PLCB4: variants seen among roughly 807,000 people sequenced by gnomAD.
PLCB4 encodes 1-phosphatidylinositol 4,5-bisphosphate phosphodiesterase beta-4.
In PLCB4, 77 loss-of-function variants were observed where a neutral mutation model predicts 178.8. That is an observed-to-expected ratio of 0.43 (90% CI 0.36 to 0.52). The LOEUF (loss-of-function observed/expected upper bound fraction) is 0.52, where lower values mean the gene tolerates loss of function less well. Ranked by LOEUF, PLCB4 falls within the 20% of genes least tolerant of loss-of-function variation. The pLI is 0.00. For missense variants in PLCB4, 1,024 were observed against 1,453.4 expected (o/e 0.70, Z 4.80); for synonymous variants, 496 against 490.8 (o/e 1.01, Z -0.14).
intron 1 of PLCB4, among the ~76,000 whole-genome samples, chr20:9,083,019 A>T (rs1156389914): frequency 2.0e-5 from 3 of 152,204 alleles, no homozygotes; most frequent in Admixed American, 6.5e-5. Context: ...ATAAAGATTG[A>T]TGATCAGGAG....
chr20:9,435,720 A>G lies in PLCB4; in HGVS notation c.2613+72A>G, dbSNP rs564619826. ...ATTATCAAACAGTGTTTACAAAAAC[A>G]AGACAAAGTAATGAATTAGCAAATT... On this transcript the variant is annotated intron_variant, in intron 29 of 39. Coordinates refer to ENST00000378473, the MANE Select transcript of PLCB4 (RefSeq NM_001377142.1). The G allele has an allele frequency of 5.7e-4, 494 of 866,590 alleles. 2 individuals are homozygous for G. The highest frequency in any genetic ancestry group is 1.1e-3 in the Middle Eastern group (5 of 4,422). The allele number at this position is 866,590 out of a possible 1,614,324, so 53.7% of individuals were successfully genotyped here.
Position 9,095,292 on chromosome 20 carries a change from G to T in PLCB4, c.-134-995G>T, listed in dbSNP as rs531273274. Among the ~76,000 whole-genome samples, 3 of 152,186 alleles carry T rather than the reference G, an allele frequency of 2.0e-5. No homozygotes were observed. The South Asian group carries it at 6.2e-4, about 32-fold the overall frequency. Reference sequence around the variant, plus strand: ...GGGAGAGGGACTCCTCTGGACTGTGGTCTCCTTGAATTTATGCATTGGCGG... The same window carrying T: ...GGGAGAGGGACTCCTCTGGACTGTGTTCTCCTTGAATTTATGCATTGGCGG... On this transcript the variant is annotated intron_variant, in intron 1 of 39. Coordinates refer to ENST00000378473, the MANE Select transcript of PLCB4 (RefSeq NM_001377142.1).
Position 9,337,120 on chromosome 20 carries a change from T to C in PLCB4, c.85-6T>C. On this transcript the variant is annotated splice_region_variant and splice_polypyrimidine_tract_variant and intron_variant, in intron 4 of 39. Coordinates refer to ENST00000378473, the MANE Select transcript of PLCB4 (RefSeq NM_001377142.1). Reference sequence around the variant, plus strand: ...TCATGAAGATCAACACATTTCTTTTTGACAGGAATCCTTTGTGTTTGAACC... The same window carrying C: ...TCATGAAGATCAACACATTTCTTTTCGACAGGAATCCTTTGTGTTTGAACC... The C allele has an allele frequency of 6.2e-7, 1 of 1,601,764 alleles. No individual in the cohort carries two copies. Among genetic ancestry groups the C allele is most frequent in the Non-Finnish European group, 8.6e-7 (1 of 1,168,950 alleles).
At chr20:9,085,094 A>G (rs1339650168) in intron 1 of PLCB4, among the ~76,000 whole-genome samples, 2 of 151,192 alleles carry the variant, frequency 1.3e-5, no homozygotes, top group Non-Finnish European at 1.5e-5. Context: ...TCTTTTTCCA[A>G]TATTATTACT....
chr20:9,329,934 A>C (rs958747459), intron 4 of PLCB4, among the ~76,000 whole-genome samples: 1 of 152,194 alleles, frequency 6.6e-6, no homozygotes, highest in Non-Finnish European at 1.5e-5. Context: ...ACCCATGCCC[A>C]TCTATTACAT....
intron 2 of PLCB4, among the ~76,000 whole-genome samples, chr20:9,164,452 T>A (rs1417215778): frequency 1.3e-5 from 2 of 151,726 alleles, no homozygotes; most frequent in African/African-American, 4.9e-5. Flanking sequence ...TTCTGAATCA[T>A]TTTTTAAGTA....
At chr20:9,426,893 C>T (rs1490475779) in intron 28 of PLCB4, among the ~76,000 whole-genome samples, 1 of 152,080 alleles carries the variant, frequency 6.6e-6, no homozygotes, top group Non-Finnish European at 1.5e-5. Flanking sequence ...TTGAGTGCAA[C>T]TCCTTCTGCT....
At position 9,321,970 on chromosome 20, in the gene PLCB4, C is replaced by T. The variant is rs1330955966; in HGVS notation, c.84+14072C>T. 7.1e-5 allele frequency among the ~76,000 whole-genome samples: 7 copies of T among 99,106 alleles called. No homozygotes were observed. In the East Asian group the frequency reaches 1.8e-3, roughly 25 times the overall value. The allele number at this position is 99,106 out of a possible 152,430, so 65.0% of individuals were successfully genotyped here. On this transcript the variant is annotated intron_variant, in intron 4 of 39. Coordinates refer to ENST00000378473, the MANE Select transcript of PLCB4 (RefSeq NM_001377142.1). ...TCTTTTTCTTTTTTTTTTTTTGATACAGGACCTCACTCTGTCACCTAGGCT... is the reference window on the plus strand; with the variant it reads ...TCTTTTTCTTTTTTTTTTTTTGATATAGGACCTCACTCTGTCACCTAGGCT...
chr20:9,463,775 T>C (rs971241441), intron 35 of PLCB4, among the ~76,000 whole-genome samples: 3 of 152,078 alleles, frequency 2.0e-5, no homozygotes, highest in African/African-American at 7.2e-5. Flanking sequence ...TGCAGATTCA[T>C]AAAGCAAGTC....
At chr20:9,364,928 A>G (rs2035644782) in intron 8 of PLCB4, among the ~76,000 whole-genome samples, 1 of 152,236 alleles carries the variant, frequency 6.6e-6, no homozygotes, top group African/African-American at 2.4e-5. Context: ...CCATGTGATC[A>G]GTACTTGGCA....
At chr20:9,420,516 A>G (rs1374156278) in intron 26 of PLCB4, among the ~76,000 whole-genome samples, 1 of 151,934 alleles carries the variant, frequency 6.6e-6, no homozygotes, top group East Asian at 1.9e-4. Flanking sequence ...TTTAGTAGAG[A>G]TGGGTTTTTA....
intron 1 of PLCB4, among the ~76,000 whole-genome samples, chr20:9,091,405 G>A (rs1168572456): frequency 6.6e-6 from 1 of 151,876 alleles, no homozygotes; most frequent in Non-Finnish European, 1.5e-5. Context: ...TAGACTGAAG[G>A]TTCCTTTGAA....
intron 1 of PLCB4, among the ~76,000 whole-genome samples, chr20:9,078,152 T>C (rs190996044): frequency 1.1e-3 from 172 of 152,072 alleles, no homozygotes; most frequent in Non-Finnish European, 1.9e-3. Flanking sequence ...GGCTATTTTT[T>C]TCTGTTTTTG....
chr20:9,199,618 G>T (rs892034703), intron 2 of PLCB4, among the ~76,000 whole-genome samples: 3 of 152,102 alleles, frequency 2.0e-5, no homozygotes, highest in Non-Finnish European at 4.4e-5. Flanking sequence ...CTTCGAAATT[G>T]TCCTGAATTT....
intron 2 of PLCB4, among the ~76,000 whole-genome samples, chr20:9,131,127 G>T (rs761889358): frequency 4.4e-4 from 67 of 152,066 alleles, no homozygotes; most frequent in Non-Finnish European, 7.6e-4. Context: ...GATCTGCTCT[G>T]TTCTGAAGAT....
At position 9,474,564 on chromosome 20, in the gene PLCB4, T is replaced by C. The variant is rs534762410; in HGVS notation, c.3495+1199T>C. On this transcript the variant is annotated intron_variant, in intron 38 of 39. Coordinates refer to ENST00000378473, the MANE Select transcript of PLCB4 (RefSeq NM_001377142.1). ...TGTGCCACATTATTCCTTCCTGTTT[T>C]CTCCCATCTATAAAACAATCCTATT... Among the ~76,000 whole-genome samples the C allele has an allele frequency of 3.9e-5, 6 of 152,290 alleles. No homozygotes were observed. The East Asian group carries it at 1.2e-3, about 29-fold the overall frequency.
chr20:9,374,849 C>T (rs2036538432), intron 12 of PLCB4, among the ~76,000 whole-genome samples: 1 of 152,072 alleles, frequency 6.6e-6, no homozygotes, highest in Non-Finnish European at 1.5e-5. Context: ...TCTTGTTCTG[C>T]CATTCAGATT....
intron 10 of PLCB4, 56 bp downstream of exon 10, chr20:9,371,351 A>T: frequency 2.2e-6 from 2 of 891,584 alleles, no homozygotes; most frequent in Admixed American, 1.8e-5. Flanking sequence ...TTATCTTCTC[A>T]TATGTAATGA....
intron 3 of PLCB4, among the ~76,000 whole-genome samples, chr20:9,228,625 C>T (rs1601309931): frequency 6.6e-6 from 1 of 152,238 alleles, no homozygotes; most frequent in East Asian, 1.9e-4. Context: ...TTTCAGCTGA[C>T]CCTCATCAAA....
Sources: gnomAD v4.1 joint callset for allele counts (sites outside exome capture counted in the v4.1 genomes callset) on GRCh38, gnomAD v4.1.1 for gene constraint, MANE v1.5 for transcripts, NCBI Gene and HGNC (gene_info 2026-07-23, HGNC 2026-07-21) for gene names.